Variants in ANLN observed in about 807,000 individuals in gnomAD.
ANLN encodes anillin.
Under a neutral mutation model 135.1 loss-of-function variants are expected in ANLN, and 59 were observed. The observed-to-expected ratio is 0.44, with a 90% CI of 0.35 to 0.54. The LOEUF (loss-of-function observed/expected upper bound fraction) is 0.54, where lower values mean the gene tolerates loss of function less well. Among genes scored for constraint, ANLN ranks in the 20% least tolerant of loss-of-function variants. ANLN has a pLI of 0.00. For synonymous variants in ANLN, 406 were observed against 456.4 expected, an observed-to-expected ratio of 0.89 and a Z score of 1.41; for missense variants, 1,182 against 1,340.0, an observed-to-expected ratio of 0.88 and a Z score of 1.84.
In ANLN at chr7:36,399,286, G is replaced by C; in HGVS notation, c.380G>C (p.Arg127Thr). The change falls in exon 3 of 24, where the codon AGG becomes ACG. Residue 127 changes from arginine to threonine, a missense_variant. Transcript: ENST00000265748. ...VAVPASLLGM[R>T]RGLNSRLEAT... The stretch of plus-strand genomic sequence containing the variant: ...GTCCCGGCATCACTGCTGGGCATGA[G>C]GAGAGGGCTGAACTCAAGATTGGAA... The C allele has an allele frequency of 6.2e-7, 1 of 1,614,142 alleles. No individual in the cohort carries two copies. The highest frequency in any genetic ancestry group is 8.5e-7 in the Non-Finnish European group (1 of 1,180,024).
In ANLN at chr7:36,419,495, C is replaced by T. The variant is rs1583623365; in HGVS notation, c.1869+16C>T. 1 of 1,599,440 alleles carries T rather than the reference C, an allele frequency of 6.3e-7. No homozygotes were observed. The highest frequency in any genetic ancestry group is 1.1e-5 in the South Asian group (1 of 90,718). ...AAGTCCAGAGGTAAGAAAAGGCTAACTAAACAGGCCCAGGACATAAGTAAA... is the reference window on the plus strand; with the variant it reads ...AAGTCCAGAGGTAAGAAAAGGCTAATTAAACAGGCCCAGGACATAAGTAAA... On this transcript the variant is annotated intron_variant, in intron 10 of 23. Transcript: ENST00000265748.
chr7:36,393,595 G>A (rs1242185082), intron 1 of ANLN, among the ~76,000 whole-genome samples: 3 of 152,190 alleles, frequency 2.0e-5, no homozygotes, highest in African/African-American at 7.2e-5. Context: ...AAGACTTAAC[G>A]TGGAAATACA....
rs761761642 is a variant in ANLN at position 36,410,594 on chromosome 7, A to G, written c.1177A>G (p.Thr393Ala). ...TAGCAAAGAAAGTCCAGCTCGTAGC[A>G]CACCCCACAGAACCCCCATTATTAC... ...EHSKESPARSTPHRTPIITPN... is the reference protein window; with the variant it reads ...EHSKESPARSAPHRTPIITPN... The change falls in exon 6 of 24, where the codon ACA (threonine) becomes GCA (alanine). Residue 393 changes from threonine to alanine, a missense_variant. Transcript: ENST00000265748. The G allele has an allele frequency of 3.1e-6, 5 of 1,614,024 alleles. No individual in the cohort carries two copies. The highest frequency in any genetic ancestry group is 4.2e-6 in the Non-Finnish European group (5 of 1,180,004).
At chr7:36,446,543 C>T (rs1789006541) in intron 22 of ANLN, among the ~76,000 whole-genome samples, 1 of 152,170 alleles carries the variant, frequency 6.6e-6, no homozygotes, top group Non-Finnish European at 1.5e-5. Flanking sequence ...GGAGCAGGTA[C>T]ATCACATGGT....
chr7:36,404,504 T>A (rs1288647044), intron 3 of ANLN, among the ~76,000 whole-genome samples: 1 of 152,228 alleles, frequency 6.6e-6, no homozygotes, highest in Non-Finnish European at 1.5e-5. Context: ...TAGTTTGAGG[T>A]ACGACAGCAA....
In ANLN at chr7:36,406,526, A is replaced by G; in HGVS notation, c.833A>G (p.Asp278Gly). ...SLNKALSSSA[D>G]DASLVNASIS... ...AATAAAGCCCTATCCTCAAGTGCTGATGATGCGTCTTTGGTTAATGCCTCA... is the reference window on the plus strand; with the variant it reads ...AATAAAGCCCTATCCTCAAGTGCTGGTGATGCGTCTTTGGTTAATGCCTCA... Residue 278 changes from aspartate to glycine, a missense_variant, in exon 4 of 24, where the codon GAT becomes GGT. By Grantham distance (94) the Asp-to-Gly change is moderately conservative. Coordinates refer to ENST00000265748, the MANE Select transcript of ANLN (RefSeq NM_018685.5). 6.5e-7 allele frequency: 1 copy of G among 1,539,004 alleles called. No homozygotes were observed. Among genetic ancestry groups the G allele is most frequent in the Non-Finnish European group, 8.8e-7 (1 of 1,140,112 alleles).
rs878983534 is a variant in ANLN at position 36,452,394 on chromosome 7, C to T, written c.3252-83C>T. On this transcript the variant is annotated intron_variant, in intron 23 of 23. Coordinates refer to ENST00000265748, the MANE Select transcript of ANLN (RefSeq NM_018685.5). ...TAATTCATTTACTGGTTTATTTAGT[C>T]ATTTTTTTCCCTAGCAAGAGTACAT... The T allele has an allele frequency of 8.3e-6, 13 of 1,557,310 alleles. No individual in the cohort carries two copies. The African/African-American group carries it at 1.8e-4, about 21-fold the overall frequency.
chr7:36,406,628 A>G, intron 4 of ANLN, 62 bp downstream of exon 4: 1 of 1,402,486 alleles, frequency 7.1e-7, no homozygotes, highest in African/African-American at 1.4e-5. Flanking sequence ...GTGGTATAAT[A>G]CATCTGTGTG....
At position 36,406,392 on chromosome 7, in the gene ANLN, T is replaced by C. The variant is rs749222405; in HGVS notation, c.699T>C (p.Ala233=). ...GTGTACAAGAACAGCCTGGTACCGC[T>C]TGTTTATCCAAATTTTCCTCTGCAA... ...QNSVQEQPGT[A]CLSKFSSASG... The change falls in exon 4 of 24, where the codon GCT becomes GCC. Residue 233 remains alanine (A), a synonymous_variant. Coordinates refer to ENST00000265748, the MANE Select transcript of ANLN (RefSeq NM_018685.5). 6.2e-7 allele frequency: 1 copy of C among 1,613,546 alleles called. No individual in the cohort carries two copies. Among genetic ancestry groups the C allele is most frequent in the Non-Finnish European group, 8.5e-7 (1 of 1,179,486 alleles).
At chr7:36,419,869 C>G (rs1227234870) in intron 10 of ANLN, among the ~76,000 whole-genome samples, 1 of 152,196 alleles carries the variant, frequency 6.6e-6, no homozygotes, top group Non-Finnish European at 1.5e-5. Flanking sequence ...GCTCCAAACA[C>G]ATGTAACTAA....
chr7:36,441,392 G>T (rs866434406), intron 21 of ANLN, among the ~76,000 whole-genome samples: 15 of 152,332 alleles, frequency 9.8e-5, no homozygotes, highest in African/African-American at 3.6e-4. Context: ...TCTGTCCTCT[G>T]CCTAAACATT....
intron 22 of ANLN, among the ~76,000 whole-genome samples, chr7:36,446,105 G>C (rs772299063): frequency 1.3e-5 from 2 of 151,962 alleles, no homozygotes; most frequent in Non-Finnish European, 2.9e-5. Flanking sequence ...TAGGCCTGGC[G>C]TATCTTTTAA....
At chr7:36,424,198 C>T (rs1787990706) in intron 15 of ANLN, among the ~76,000 whole-genome samples, 1 of 152,014 alleles carries the variant, frequency 6.6e-6, no homozygotes. Flanking sequence ...TAAACCTGGA[C>T]CATAGATTTT....
At chr7:36,411,603 A>G (rs1787415592) in intron 7 of ANLN, among the ~76,000 whole-genome samples, 1 of 152,226 alleles carries the variant, frequency 6.6e-6, no homozygotes. Flanking sequence ...AAAGTTCATT[A>G]ATCAGCCTTC....
chr7:36,427,165 T>C, intron 20 of ANLN, 137 bp downstream of exon 20: 1 of 576,840 alleles, frequency 1.7e-6, no homozygotes, highest in East Asian at 3.0e-5. Flanking sequence ...TGCACATTTT[T>C]GCTAGGTATG....
chr7:36,434,311 A>G (rs1788438850), intron 20 of ANLN, among the ~76,000 whole-genome samples: 1 of 152,164 alleles, frequency 6.6e-6, no homozygotes, highest in African/African-American at 2.4e-5. Context: ...GCACGTCTAC[A>G]AGATTTCTCT....
intron 22 of ANLN, among the ~76,000 whole-genome samples, chr7:36,447,120 A>G (rs1442570150): frequency 6.6e-6 from 1 of 152,210 alleles, no homozygotes; most frequent in Non-Finnish European, 1.5e-5. Flanking sequence ...TTAATTAAGC[A>G]CTTACCATTT....
At chr7:36,395,529 A>G (rs534556113) in intron 1 of ANLN, among the ~76,000 whole-genome samples, 15 of 152,216 alleles carry the variant, frequency 9.9e-5, no homozygotes, top group Non-Finnish European at 2.1e-4. Context: ...CACATCAGTA[A>G]AGTCTCTTTT....
At chr7:36,406,599 T>A (rs774850374) in intron 4 of ANLN, 33 bp downstream of exon 4, 12 of 1,466,388 alleles carry the variant, frequency 8.2e-6, no homozygotes, top group Non-Finnish European at 9.9e-6. Context: ...TTTGGAAGCC[T>A]TTTCTTTTTT....
Sources: allele counts gnomAD v4.1 joint callset (sites outside exome capture counted in the v4.1 genomes callset), GRCh38; gene constraint gnomAD v4.1.1; transcripts MANE v1.5; gene names NCBI Gene and HGNC (gene_info 2026-07-23, HGNC 2026-07-21).